The following HACD3 variants were observed in gnomAD, a reference collection of about 807,000 sequenced individuals.
The protein encoded by HACD3 is 3-hydroxyacyl-CoA dehydratase 3.
A neutral mutation model predicts 55.2 loss-of-function variants in HACD3; 30 were observed. The observed-to-expected ratio is 0.54, with a 90% CI of 0.41 to 0.74. The LOEUF is 0.74. Ranked by LOEUF, HACD3 falls within the 30% of genes least tolerant of loss-of-function variation. The probability of loss-of-function intolerance (pLI) is 0.00; values close to 1 mark genes in which losing one functional copy is unlikely to be tolerated. For synonymous variants in HACD3, 141 were observed against 151.7 expected, an observed-to-expected ratio of 0.93 and a Z score of 0.52; for missense variants, 363 against 440.1, an observed-to-expected ratio of 0.82 and a Z score of 1.57.
At chr15:65,547,843 T>G (rs1327487736) in intron 1 of HACD3, among the ~76,000 whole-genome samples, 1 of 152,250 alleles carries the variant, frequency 6.6e-6, no homozygotes, top group Non-Finnish European at 1.5e-5. Flanking sequence ...TTAACAGTTA[T>G]TGAGGCATTA....
chr15:65,547,505 A>G (rs1272593049), intron 1 of HACD3, among the ~76,000 whole-genome samples: 1 of 152,222 alleles, frequency 6.6e-6, no homozygotes, highest in Non-Finnish European at 1.5e-5. Context: ...GAAAGTTGAT[A>G]TTCACCATAA....
At chr15:65,535,819 CCAAGT>C in intron 1 of HACD3, 1 of 631,446 alleles carries the variant, frequency 1.6e-6, no homozygotes, top group Non-Finnish European at 2.9e-6. Flanking sequence ...GCTCAGCCTA[CCAAGT>C]AGGACTACAG....
At chr15:65,566,620 A>T (rs1333265809) in intron 7 of HACD3, 3 of 152,448 alleles carry the variant, frequency 2.0e-5, no homozygotes, top group Non-Finnish European at 4.4e-5. Context: ...TCCCTTCCAC[A>T]ACATGTGGGA....
At chr15:65,541,385 C>G (rs2072017479) in intron 1 of HACD3, among the ~76,000 whole-genome samples, 1 of 152,050 alleles carries the variant, frequency 6.6e-6, no homozygotes. Flanking sequence ...ACTGTTAATG[C>G]TGTTCAGCCA....
intron 6 of HACD3, among the ~76,000 whole-genome samples, chr15:65,563,760 A>G (rs1293818350): frequency 6.6e-6 from 1 of 152,168 alleles, no homozygotes; most frequent in Non-Finnish European, 1.5e-5. Context: ...CACGAGGTCA[A>G]GAGATCGAGA....
chr15:65,572,880 A>C (rs1291143943), intron 10 of HACD3, among the ~76,000 whole-genome samples: 1 of 149,016 alleles, frequency 6.7e-6, no homozygotes, highest in Non-Finnish European at 1.5e-5. Flanking sequence ...GCAGCATTGC[A>C]CTCCACCCTG....
chr15:65,539,418 A>T (rs2071997227), intron 1 of HACD3, among the ~76,000 whole-genome samples: 1 of 151,782 alleles, frequency 6.6e-6, no homozygotes, highest in Admixed American at 6.6e-5. Flanking sequence ...ATGGGGTTTC[A>T]CCATGTTGGC....
intron 5 of HACD3, among the ~76,000 whole-genome samples, chr15:65,559,033 G>A (rs769743966): frequency 5.3e-5 from 8 of 152,154 alleles, no homozygotes; most frequent in Non-Finnish European, 1.2e-4. Flanking sequence ...GCAGAGACTT[G>A]TGGAAATGAT....
intron 4 of HACD3, 74 bp downstream of exon 4, chr15:65,556,977 T>A: frequency 7.2e-7 from 1 of 1,382,222 alleles, no homozygotes; most frequent in Non-Finnish European, 9.9e-7. Context: ...CCACTTCAGA[T>A]ACCTCTCGGT....
intron 7 of HACD3, chr15:65,566,170 A>G (rs1456959773): frequency 6.6e-6 from 1 of 152,300 alleles, no homozygotes; most frequent in Non-Finnish European, 1.5e-5. Context: ...AAGCCATTCA[A>G]CAAATCTCTA....
At position 65,544,094 on chromosome 15, in the gene HACD3, G is replaced by A. The variant is rs145803627; in HGVS notation, c.88-7582G>A. Among the ~76,000 whole-genome samples the A allele has an allele frequency of 5.2e-3, 798 of 152,176 alleles. 15 individuals are homozygous for A. The highest frequency in any genetic ancestry group is 0.017 in the African/African-American group (706 of 41,516). On this transcript the variant is annotated intron_variant, in intron 1 of 10. Coordinates refer to ENST00000261875, the MANE Select transcript of HACD3 (RefSeq NM_016395.4). The stretch of plus-strand genomic sequence containing the variant: ...CGGGAGGCCGAGGCAGGAGAATGGC[G>A]TGAACCCGGGAGGCGGAGCTTGCAG...
intron 1 of HACD3, 50 bp from the exon 2 acceptor site, chr15:65,551,626 T>A (rs776822268): frequency 6.2e-7 from 1 of 1,608,144 alleles, no homozygotes; most frequent in African/African-American, 1.3e-5. Context: ...TTAATCTCAT[T>A]TTTTCTCTTC....
intron 1 of HACD3, among the ~76,000 whole-genome samples, chr15:65,542,227 C>CAAAAAA (rs527287203): frequency 7.9e-5 from 5 of 63,172 alleles, no homozygotes; most frequent in South Asian, 7.1e-4. Context: ...GACTCCATCT[C>CAAAAAA]AAAAAAAAAA....
At chr15:65,564,175 T>C (rs757032279) in intron 6 of HACD3, 40 bp from the exon 7 acceptor site, 156 of 1,596,744 alleles carry the variant, frequency 9.8e-5, no homozygotes, top group Non-Finnish European at 1.3e-4. Flanking sequence ...TGTTGGAATT[T>C]ACCAACTGAT....
In HACD3 at chr15:65,577,238, A is replaced by G. The variant is rs115740828; in HGVS notation, c.*859A>G. 101 of 152,342 alleles carry G rather than the reference A, an allele frequency of 6.6e-4. No individual in the cohort carries two copies. Among genetic ancestry groups the G allele is most frequent in the African/African-American group, 2.2e-3 (93 of 41,562 alleles). 9.4% of individuals were successfully genotyped at this position (152,342 alleles called of 1,614,324 possible). ...CCAGGAGTTCAAGACCAGCTTGGGC[A>G]ACGTAGTGAGACCCCTATCTCTACA... On this transcript the variant is annotated 3_prime_UTR_variant, in exon 11 of 11. Coordinates refer to ENST00000261875, the MANE Select transcript of HACD3 (RefSeq NM_016395.4).
chr15:65,538,883 T>C (rs2071990677), intron 1 of HACD3, among the ~76,000 whole-genome samples: 2 of 152,244 alleles, frequency 1.3e-5, no homozygotes, highest in African/African-American at 4.8e-5. Flanking sequence ...TACAACTCCC[T>C]GAAAGCTCAC....
intron 1 of HACD3, among the ~76,000 whole-genome samples, chr15:65,534,155 C>G (rs780656874): frequency 5.9e-5 from 9 of 152,268 alleles, no homozygotes; most frequent in East Asian, 5.8e-4. Flanking sequence ...TCTTGTCTAT[C>G]ATTAAGCTAG....
chr15:65,540,864 T>C (rs1008432235), intron 1 of HACD3, among the ~76,000 whole-genome samples: 13 of 152,218 alleles, frequency 8.5e-5, no homozygotes, highest in South Asian at 4.1e-4. Context: ...GAGGCTGTTA[T>C]AGTAGTATGG....
intron 1 of HACD3, among the ~76,000 whole-genome samples, chr15:65,532,767 A>C (rs2071915338): frequency 6.6e-6 from 1 of 152,084 alleles, no homozygotes; most frequent in Admixed American, 6.5e-5. Context: ...AACTACCATT[A>C]GTTTAAAAGC....
Sources: allele counts gnomAD v4.1 joint callset (sites outside exome capture counted in the v4.1 genomes callset), GRCh38; gene constraint gnomAD v4.1.1; transcripts MANE v1.5; gene names NCBI Gene and HGNC (gene_info 2026-07-23, HGNC 2026-07-21).